CTIF: variants seen among roughly 807,000 people sequenced by gnomAD.
CTIF encodes CBP80/20-dependent translation initiation factor.
In CTIF, 21 loss-of-function variants were observed where a neutral mutation model predicts 66.0. That is an observed-to-expected ratio of 0.32 (90% confidence interval 0.23 to 0.46). The LOEUF (loss-of-function observed/expected upper bound fraction) is 0.46. CTIF is among the 20% of genes least tolerant of loss of function. The pLI, the probability that CTIF is intolerant of heterozygous loss-of-function variation, is 1.00. For missense variants in CTIF, 739 were observed against 812.7 expected, an observed-to-expected ratio of 0.91 and a Z score of 1.10; for synonymous variants, 345 against 326.4, an observed-to-expected ratio of 1.06 and a Z score of -0.62.
chr18:48,792,971 G>T (rs1210350445), intron 9 of CTIF, among the ~76,000 whole-genome samples: 1 of 152,148 alleles, frequency 6.6e-6, no homozygotes, highest in Non-Finnish European at 1.5e-5. Context: ...GCTATTAGGT[G>T]GTATTTAAAA....
At chr18:48,576,831 GCTTGT>G (rs566785036) in intron 1 of CTIF, among the ~76,000 whole-genome samples, 1 of 152,248 alleles carries the variant, frequency 6.6e-6, no homozygotes, top group Admixed American at 6.5e-5. Context: ...GTGGTTTAGG[GCTTGT>G]CTTTTGTGTG....
At chr18:48,841,198 C>A (rs1394460665) in intron 10 of CTIF, among the ~76,000 whole-genome samples, 1 of 152,170 alleles carries the variant, frequency 6.6e-6, no homozygotes, top group East Asian at 1.9e-4. Flanking sequence ...AGCTTCTTCC[C>A]AGTCTCAGGG....
At chr18:48,741,281 C>G (rs964974120) in intron 7 of CTIF, among the ~76,000 whole-genome samples, 1 of 39,266 alleles carries the variant, frequency 2.5e-5, no homozygotes, top group Non-Finnish European at 4.9e-5. Context: ...TCTGCCCCCG[C>G]CCCCCCTCCT....
At chr18:48,684,945 AC>A (rs2091810447) in intron 6 of CTIF, among the ~76,000 whole-genome samples, 1 of 152,192 alleles carries the variant, frequency 6.6e-6, no homozygotes. Context: ...CTGTTACATA[AC>A]CTGTAGACAT....
intron 1 of CTIF, among the ~76,000 whole-genome samples, chr18:48,595,809 G>A (rs552953435): frequency 1.3e-3 from 202 of 152,258 alleles, no homozygotes; most frequent in Admixed American, 5.1e-3. Context: ...TGCAATCAAG[G>A]TGTCAGCTGA....
At chr18:48,817,795 C>A (rs1452940292) in intron 10 of CTIF, among the ~76,000 whole-genome samples, 1 of 151,894 alleles carries the variant, frequency 6.6e-6, no homozygotes, top group Non-Finnish European at 1.5e-5. Flanking sequence ...AAAAGGGGGC[C>A]CATCCTTCAG....
chr18:48,699,428 C>CTGGGGCTGGGGA (rs2092052161), intron 6 of CTIF, among the ~76,000 whole-genome samples: 7 of 151,654 alleles, frequency 4.6e-5, no homozygotes, highest in Admixed American at 2.6e-4. Flanking sequence ...GGGGCTGGGG[C>CTGGGGCTGGGGA]TGGGGCTGGA....
intron 9 of CTIF, among the ~76,000 whole-genome samples, chr18:48,768,576 C>G (rs1909799186): frequency 6.6e-6 from 1 of 152,154 alleles, no homozygotes; most frequent in South Asian, 2.1e-4. Flanking sequence ...ATGCCACATC[C>G]TAAATAGGGT....
rs540919337 is a variant in CTIF at position 48,755,085 on chromosome 18, C to A, written c.585-2834C>A. Among the ~76,000 whole-genome samples the A allele has an allele frequency of 6.3e-4, 96 of 152,316 alleles. 1 individual carries two copies. Among genetic ancestry groups the A allele is most frequent in the African/African-American group, 2.3e-3 (94 of 41,564 alleles). On this transcript the variant is annotated intron_variant, in intron 7 of 11. Transcript: ENST00000256413. Reference sequence around the variant, plus strand: ...GGATGTTGGGAAGGGCTTGGTCAACCATCCTTTGGGGACATTTCTTGGGCC... The same window carrying A: ...GGATGTTGGGAAGGGCTTGGTCAACAATCCTTTGGGGACATTTCTTGGGCC...
At chr18:48,715,313 G>A (rs1353453771) in intron 7 of CTIF, among the ~76,000 whole-genome samples, 1 of 152,102 alleles carries the variant, frequency 6.6e-6, no homozygotes, top group African/African-American at 2.4e-5. Flanking sequence ...CTTGACATTT[G>A]AACAACTAGT....
intron 10 of CTIF, among the ~76,000 whole-genome samples, chr18:48,817,610 T>C (rs532006429): frequency 6.6e-6 from 1 of 152,146 alleles, no homozygotes; most frequent in East Asian, 1.9e-4. Flanking sequence ...ACCCCATCTC[T>C]ACTAAAAATG....
chr18:48,634,546 G>A (rs955976217), intron 2 of CTIF, among the ~76,000 whole-genome samples: 11 of 152,220 alleles, frequency 7.2e-5, no homozygotes, highest in African/African-American at 2.4e-4. Flanking sequence ...AGGGTTCCCG[G>A]TCATGCATAG....
intron 9 of CTIF, among the ~76,000 whole-genome samples, chr18:48,775,013 C>T (rs1910536816): frequency 1.3e-5 from 2 of 152,090 alleles, no homozygotes; most frequent in Admixed American, 6.5e-5. Flanking sequence ...AAGTGGGGTT[C>T]GAAGCACAGT....
At chr18:48,733,242 G>A (rs1366447090) in intron 7 of CTIF, among the ~76,000 whole-genome samples, 1 of 151,850 alleles carries the variant, frequency 6.6e-6, no homozygotes, top group Non-Finnish European at 1.5e-5. Context: ...GGCCGAGAGG[G>A]AAGTGGGAAA....
Position 48,857,755 on chromosome 18 carries a change from G to A in CTIF, c.1581+114G>A. ...GCATTTACAAGTCCAGGGGAAGGTAGGTGGATGGCTTCAGGAGTGGGCATG... is the reference window on the plus strand; with the variant it reads ...GCATTTACAAGTCCAGGGGAAGGTAAGTGGATGGCTTCAGGAGTGGGCATG... On this transcript the variant is annotated intron_variant, in intron 11 of 11. Coordinates refer to ENST00000256413, the MANE Select transcript of CTIF (RefSeq NM_014772.3). The A allele has an allele frequency of 3.2e-6, 3 of 946,080 alleles. No homozygotes were observed. In the South Asian group the frequency reaches 5.5e-5, roughly 17 times the overall value. 58.6% of individuals were successfully genotyped at this position (946,080 alleles called of 1,614,324 possible). A position where few individuals can be genotyped will look rare whatever the true frequency, so the allele number is the denominator to read the frequency against.
intron 1 of CTIF, among the ~76,000 whole-genome samples, chr18:48,574,920 T>C (rs2089496381): frequency 6.6e-6 from 1 of 152,068 alleles, no homozygotes; most frequent in South Asian, 2.1e-4. Context: ...AGAATAGAAA[T>C]ATGGGCTAGC....
intron 2 of CTIF, among the ~76,000 whole-genome samples, chr18:48,626,665 T>G (rs1173407687): frequency 1.4e-5 from 2 of 144,288 alleles, no homozygotes; most frequent in Admixed American, 6.7e-5. Flanking sequence ...TGTTTTTTTT[T>G]TTTTTTTGAG....
rs1389858517 is a variant in CTIF, at chr18:48,839,715, CAT to C, written c.1528-17871_1528-17870del. ...CAACATCTGTCTTCCCTCCTAGACT[CAT>C]AAATCTATAAGGCCAGGATCTGTGC... On this transcript the variant is annotated intron_variant, in intron 10 of 11. Transcript: ENST00000256413. 2.0e-5 allele frequency among the ~76,000 whole-genome samples: 3 copies of C among 152,302 alleles called. No homozygotes were observed. In the East Asian group the frequency reaches 5.8e-4, roughly 29 times the overall value.
intron 6 of CTIF, among the ~76,000 whole-genome samples, chr18:48,677,935 C>A (rs2091661773): frequency 6.6e-6 from 1 of 152,176 alleles, no homozygotes; most frequent in African/African-American, 2.4e-5. Context: ...TGAAGTCTCA[C>A]AAATACCCTG....
Sources: allele counts gnomAD v4.1 joint callset (sites outside exome capture counted in the v4.1 genomes callset), GRCh38; gene constraint gnomAD v4.1.1; transcripts MANE v1.5; gene names NCBI Gene and HGNC (gene_info 2026-07-23, HGNC 2026-07-21).